Variants in RGS8 observed in about 807,000 individuals in gnomAD.
The protein encoded by RGS8 is regulator of G protein signaling 8, also known as regulator of G-protein signaling 8.
In RGS8, 8 loss-of-function variants were observed where a neutral mutation model predicts 21.7. The observed-to-expected ratio is 0.37, with a 90% confidence interval of 0.22 to 0.66. The LOEUF (loss-of-function observed/expected upper bound fraction) is 0.66. RGS8 is among the 30% of genes least tolerant of loss of function. The pLI is 0.59. For missense variants in RGS8, 157 were observed against 217.9 expected, an observed-to-expected ratio of 0.72 and a Z score of 1.76; for synonymous variants, 80 against 83.6, an observed-to-expected ratio of 0.96 and a Z score of 0.24.
chr1:182,690,800 T>G, the RGS8 span, among the ~76,000 whole-genome samples: 2 of 152,218 alleles, frequency 1.3e-5, no homozygotes, highest in East Asian at 1.9e-4. Context: ...TCTCTATCCA[T>G]TACACGGTAC....
At chr1:182,708,691 G>C in the RGS8 span, among the ~76,000 whole-genome samples, 1 of 152,216 alleles carries the variant, frequency 6.6e-6, no homozygotes, top group African/African-American at 2.4e-5. Context: ...CCTCAAACCC[G>C]GCCAAGAACA....
chr1:182,720,920 C>CACATATACATATATACAT, the RGS8 span, among the ~76,000 whole-genome samples: 1 of 52,182 alleles, frequency 1.9e-5, no homozygotes, highest in Non-Finnish European at 3.7e-5. Flanking sequence ...TGTGTATATA[C>CACATATACATATATACAT]ATATATACAT....
intron 5 of RGS8, among the ~76,000 whole-genome samples, chr1:182,654,499 C>G (rs918117302): frequency 6.6e-6 from 1 of 152,094 alleles, no homozygotes; most frequent in Non-Finnish European, 1.5e-5. Flanking sequence ...TGGGCTGCAC[C>G]CACGTGCTAG....
the RGS8 span, among the ~76,000 whole-genome samples, chr1:182,726,206 G>A: frequency 1.3e-5 from 2 of 151,746 alleles, no homozygotes; most frequent in East Asian, 3.9e-4. Context: ...AAAAACTTCA[G>A]GTTTCCAAAA....
At chr1:182,665,305 T>C (rs1265372923) in intron 5 of RGS8, among the ~76,000 whole-genome samples, 5 of 152,166 alleles carry the variant, frequency 3.3e-5, no homozygotes, top group African/African-American at 1.2e-4. Context: ...AGATGAAAAG[T>C]TTGGCTGATA....
At chr1:182,677,194 T>G (rs1244435507), upstream of RGS8, among the ~76,000 whole-genome samples, 2 of 152,240 alleles carry the variant, frequency 1.3e-5, no homozygotes, top group African/African-American at 4.8e-5. Context: ...GATCCAGAAC[T>G]GTGGGCAAGC....
chr1:182,654,610 T>C (rs762990033), intron 5 of RGS8, among the ~76,000 whole-genome samples: 6 of 152,074 alleles, frequency 3.9e-5, no homozygotes, highest in Non-Finnish European at 5.9e-5. Flanking sequence ...TTTAAAATAA[T>C]CAATTGAGTA....
At chr1:182,689,030 T>C (rs541540950), upstream of RGS8, among the ~76,000 whole-genome samples, 2 of 152,186 alleles carry the variant, frequency 1.3e-5, no homozygotes, top group Non-Finnish European at 1.5e-5. Flanking sequence ...TGGTAATTTG[T>C]TATGGTAGTA....
chr1:182,643,019 AACAG>A (rs1233041571), downstream of RGS8: 1 of 152,302 alleles, frequency 6.6e-6, no homozygotes, highest in Non-Finnish European at 1.5e-5. Flanking sequence ...GGCGCAGGAA[AACAG>A]ACAGGGGAAA....
the RGS8 span, among the ~76,000 whole-genome samples, chr1:182,751,304 T>G: frequency 6.6e-6 from 1 of 152,228 alleles, no homozygotes; most frequent in Non-Finnish European, 1.5e-5. Flanking sequence ...ATCAATAGCT[T>G]ATTAGATAGT....
intron 5 of RGS8, among the ~76,000 whole-genome samples, chr1:182,649,702 T>C (rs1032587128): frequency 6.6e-6 from 1 of 151,352 alleles, no homozygotes; most frequent in Non-Finnish European, 1.5e-5. Flanking sequence ...AATGTTTTTA[T>C]TTAAAAATAT....
the RGS8 span, among the ~76,000 whole-genome samples, chr1:182,709,004 C>A: frequency 6.6e-6 from 1 of 152,200 alleles, no homozygotes; most frequent in Non-Finnish European, 1.5e-5. Flanking sequence ...CTGACGAAAG[C>A]GCCTTTTCCC....
the RGS8 span, among the ~76,000 whole-genome samples, chr1:182,741,719 A>ACCTC: frequency 1.1e-5 from 1 of 90,398 alleles, no homozygotes; most frequent in Non-Finnish European, 2.6e-5. Context: ...GGCGCCCCTC[A>ACCTC]CCTCCCGGAC....
At chr1:182,695,537 G>A in the RGS8 span, among the ~76,000 whole-genome samples, 1 of 152,108 alleles carries the variant, frequency 6.6e-6, no homozygotes, top group Admixed American at 6.5e-5. Context: ...GCCCAGGCTG[G>A]ATTCGAACCC....
exon 7 of RGS8, chr1:182,646,174 A>G (rs1662694071): frequency 6.6e-6 from 1 of 152,442 alleles, no homozygotes. Flanking sequence ...AAACAACTCC[A>G]TGGATTTCAC....
At chr1:182,710,753 G>C in the RGS8 span, among the ~76,000 whole-genome samples, 2 of 152,152 alleles carry the variant, frequency 1.3e-5, no homozygotes. Flanking sequence ...ACCATGAAAA[G>C]TGCTTAACAC....
chr1:182,661,143 T>C (rs562603833), intron 5 of RGS8, among the ~76,000 whole-genome samples: 1 of 151,822 alleles, frequency 6.6e-6, no homozygotes, highest in South Asian at 2.1e-4. Context: ...GTCATTATAT[T>C]TTTATATCTC....
At chr1:182,744,593 T>A in the RGS8 span, among the ~76,000 whole-genome samples, 1 of 152,254 alleles carries the variant, frequency 6.6e-6, no homozygotes, top group South Asian at 2.1e-4. Context: ...TTACCTTTTC[T>A]ATGTTTAGTT....
chr1:182,748,535 T>C, the RGS8 span, among the ~76,000 whole-genome samples: 2 of 152,250 alleles, frequency 1.3e-5, no homozygotes, highest in African/African-American at 2.4e-5. Context: ...ATTCCATGTC[T>C]TGGCTATTGT....
Sources: allele counts gnomAD v4.1 joint callset (sites outside exome capture counted in the v4.1 genomes callset), GRCh38; gene constraint gnomAD v4.1.1; transcripts MANE v1.5; gene names NCBI Gene and HGNC (gene_info 2026-07-23, HGNC 2026-07-21).